The following PCDHA12 variants were observed in gnomAD, a reference collection of about 807,000 sequenced individuals.
PCDHA12 encodes the protein protocadherin alpha 12.
PCDHA12 carries 44 observed loss-of-function variants against 60.0 expected under a neutral mutation model. The ratio of observed to expected loss-of-function variants is 0.73; its 90% CI spans 0.58 to 0.94. PCDHA12 has a LOEUF of 0.94. PCDHA12 is among the 40% of genes least tolerant of loss of function. The probability of loss-of-function intolerance (pLI) is 0.00; values close to 1 mark genes in which losing one functional copy is unlikely to be tolerated. For missense variants in PCDHA12, 1,276 were observed against 1,239.7 expected, an observed-to-expected ratio of 1.03 and a Z score of -0.44; for synonymous variants, 569 against 553.0, an observed-to-expected ratio of 1.03 and a Z score of -0.40.
chr5:140,934,611 C>T (rs1346764744), intron 1 of PCDHA12, among the ~76,000 whole-genome samples: 2 of 151,950 alleles, frequency 1.3e-5, no homozygotes, highest in Non-Finnish European at 2.9e-5. Context: ...TTTGATTAGC[C>T]TGAGGTACAG....
intron 3 of PCDHA12, among the ~76,000 whole-genome samples, chr5:140,993,767 G>T (rs115607244): frequency 1.3e-5 from 2 of 152,010 alleles, no homozygotes; most frequent in African/African-American, 4.8e-5. Flanking sequence ...TTACAATTGC[G>T]CAGTATTTTG....
rs1554169905 is a variant in PCDHA12 at position 140,877,589 on chromosome 5, C to T, written c.2117C>T (p.Ala706Val). Residue 706 changes from alanine to valine, a missense_variant, in exon 1 of 4, where the codon GCG becomes GTG. Transcript: ENST00000398631. ...GTGTACCTCATCATCGCCATCTGTG[C>T]GGTGTCCAGCCTGCTGGTGCTCACG... Reference protein sequence around the residue: ...INVYLIIAICAVSSLLVLTLL... With the variant: ...INVYLIIAICVVSSLLVLTLL... 1.2e-6 allele frequency: 2 copies of T among 1,613,848 alleles called. No homozygotes were observed. Among genetic ancestry groups the T allele is most frequent in the Non-Finnish European group, 1.7e-6 (2 of 1,179,906 alleles).
intron 1 of PCDHA12, chr5:140,882,427 G>A: frequency 6.2e-7 from 1 of 1,614,090 alleles, no homozygotes; most frequent in Non-Finnish European, 8.5e-7. Flanking sequence ...AGGACCTGGG[G>A]CTGGAGCTGG....
In PCDHA12 at chr5:140,875,344, A is replaced by C; in HGVS notation, c.-129A>C. On this transcript the variant is annotated 5_prime_UTR_variant, in exon 1 of 4. Coordinates refer to ENST00000398631, the MANE Select transcript of PCDHA12 (RefSeq NM_018903.4). ...ATTCACGGAATAGGATCGACTCCAT[A>C]ATGACTGTGATGCTGGAAAAAATTT... 6.9e-7 allele frequency: 1 copy of C among 1,442,996 alleles called. No individual in the cohort carries two copies. The highest frequency in any genetic ancestry group is 9.1e-7 in the Non-Finnish European group (1 of 1,101,406). 89.4% of individuals were successfully genotyped at this position (1,442,996 alleles called of 1,614,324 possible).
intron 2 of PCDHA12, among the ~76,000 whole-genome samples, chr5:140,981,152 C>T (rs1340087244): frequency 6.6e-6 from 1 of 152,210 alleles, no homozygotes; most frequent in African/African-American, 2.4e-5. Flanking sequence ...AAACATTGAA[C>T]TTATATGTTG....
chr5:141,003,574 A>C (rs559561339), intron 3 of PCDHA12, among the ~76,000 whole-genome samples: 9 of 151,680 alleles, frequency 5.9e-5, no homozygotes, highest in African/African-American at 2.2e-4. Context: ...CAGACTCCCA[A>C]AGTGCTGGGA....
chr5:140,933,853 A>AT (rs2089460601), intron 1 of PCDHA12, among the ~76,000 whole-genome samples: 2 of 151,568 alleles, frequency 1.3e-5, no homozygotes, highest in Non-Finnish European at 3.0e-5. Context: ...TGTACCTTTA[A>AT]TTTTTTCAGA....
intron 1 of PCDHA12, chr5:140,929,584 A>T: frequency 2.3e-6 from 1 of 433,584 alleles, no homozygotes; most frequent in Non-Finnish European, 4.1e-6. Context: ...GTAATATGAC[A>T]TAAAGGTCTA....
chr5:140,912,381 A>G (rs1554195316), intron 1 of PCDHA12, among the ~76,000 whole-genome samples: 2 of 150,140 alleles, frequency 1.3e-5, no homozygotes, highest in African/African-American at 4.9e-5. Context: ...AAAGGGATTG[A>G]GTTCTTAATT....
intron 1 of PCDHA12, among the ~76,000 whole-genome samples, chr5:140,903,657 A>G (rs913315008): frequency 6.6e-6 from 1 of 152,230 alleles, no homozygotes; most frequent in Non-Finnish European, 1.5e-5. Flanking sequence ...TATATTATAA[A>G]TTTAACTGAT....
intron 3 of PCDHA12, among the ~76,000 whole-genome samples, chr5:141,000,194 G>A (rs2097896080): frequency 6.6e-6 from 1 of 151,746 alleles, no homozygotes; most frequent in South Asian, 2.1e-4. Context: ...TGTGAGAATA[G>A]TTTTTCACCT....
chr5:140,928,790 G>GGGT, intron 1 of PCDHA12: 2 of 1,614,176 alleles, frequency 1.2e-6, no homozygotes, highest in Non-Finnish European at 1.7e-6. Context: ...GTTAAGCAGA[G>GGGT]GGTGGTGGTA....
chr5:140,978,685 CA>C (rs1426574040), intron 1 of PCDHA12, among the ~76,000 whole-genome samples: 2 of 152,242 alleles, frequency 1.3e-5, no homozygotes, highest in African/African-American at 2.4e-5. Context: ...ATGTATTGGG[CA>C]AGGCAAAGCC....
At chr5:140,941,240 T>TTTC (rs2092939181) in intron 1 of PCDHA12, among the ~76,000 whole-genome samples, 2 of 141,590 alleles carry the variant, frequency 1.4e-5, no homozygotes, top group Non-Finnish European at 3.0e-5. Flanking sequence ...TCTTTCTTTC[T>TTTC]TTCTTTCTTT....
intron 1 of PCDHA12, among the ~76,000 whole-genome samples, chr5:140,880,215 G>A (rs944497497): frequency 3.3e-5 from 5 of 152,162 alleles, no homozygotes; most frequent in Non-Finnish European, 5.9e-5. Context: ...TCCACCAGAA[G>A]TAGAACATTT....
rs1359152136 is a variant in PCDHA12, at chr5:140,969,072, C to T, written c.2368-9877C>T. 2.1e-5 allele frequency: 34 copies of T among 1,613,982 alleles called. No individual in the cohort carries two copies. The highest frequency in any genetic ancestry group is 5.0e-5 in the Admixed American group (3 of 59,998). On this transcript the variant is annotated intron_variant, in intron 1 of 3. Transcript: ENST00000398631. ...AACAACAATATTGATGCCAGGATACCGCATGGCCTCAAAGTGCAGCCTCAC... is the reference window on the plus strand; with the variant it reads ...AACAACAATATTGATGCCAGGATACTGCATGGCCTCAAAGTGCAGCCTCAC...
intron 1 of PCDHA12, among the ~76,000 whole-genome samples, chr5:140,947,982 T>C (rs1178353293): frequency 1.3e-5 from 2 of 148,572 alleles, no homozygotes; most frequent in Admixed American, 1.3e-4. Flanking sequence ...CTCATAGGTT[T>C]TTCCCAAATA....
chr5:140,990,155 G>A (rs1483856647), intron 3 of PCDHA12, among the ~76,000 whole-genome samples: 2 of 152,076 alleles, frequency 1.3e-5, no homozygotes, highest in Admixed American at 6.5e-5. Context: ...ATAATAGAAA[G>A]TTAGGGTATG....
chr5:140,969,167 T>G (rs1554231527), intron 1 of PCDHA12: 1 of 1,613,668 alleles, frequency 6.2e-7, no homozygotes. Flanking sequence ...GACAGCAGGC[T>G]CAGGGAGTGA....
Sources: allele counts gnomAD v4.1 joint callset (sites outside exome capture counted in the v4.1 genomes callset), GRCh38; gene constraint gnomAD v4.1.1; transcripts MANE v1.5; gene names NCBI Gene and HGNC (gene_info 2026-07-23, HGNC 2026-07-21).